The following SLC6A2 variants were observed in gnomAD, a reference collection of about 807,000 sequenced individuals.
The protein encoded by SLC6A2 is sodium-dependent noradrenaline transporter.
Under a neutral mutation model 71.7 loss-of-function variants are expected in SLC6A2, and 26 were observed. The ratio of observed to expected loss-of-function variants is 0.36; its 90% CI spans 0.27 to 0.50. The LOEUF (loss-of-function observed/expected upper bound fraction) is 0.50, where lower values mean the gene tolerates loss of function less well. Among genes scored for constraint, SLC6A2 ranks in the 20% least tolerant of loss-of-function variants. SLC6A2 has a pLI of 0.96. For synonymous variants in SLC6A2, 363 were observed against 337.9 expected, an observed-to-expected ratio of 1.07 and a Z score of -0.82; for missense variants, 581 against 803.9, an observed-to-expected ratio of 0.72 and a Z score of 3.35.
intron 4 of SLC6A2, among the ~76,000 whole-genome samples, chr16:55,683,674 C>A (rs1384416936): frequency 6.6e-6 from 1 of 152,018 alleles, no homozygotes; most frequent in Non-Finnish European, 1.5e-5. Flanking sequence ...AACCCAAACA[C>A]TTTATTGATA....
At chr16:55,702,289 C>A (rs748004628) in intron 14 of SLC6A2, 34 bp from the exon 15 acceptor site, 1 of 1,611,684 alleles carries the variant, frequency 6.2e-7, no homozygotes, top group East Asian at 2.2e-5. Context: ...CTGTCCCCAC[C>A]ATGTCATCAA....
intron 7 of SLC6A2, 56 bp downstream of exon 7, chr16:55,694,169 T>A (rs28613651): frequency 7.9e-7 from 1 of 1,259,664 alleles, no homozygotes. Flanking sequence ...TGACTCTTGT[T>A]GGGTGGCAGA....
In SLC6A2 at chr16:55,705,837, A is replaced by AT. The variant is rs1306822455; in HGVS notation, c.*3496dup. On this transcript the variant is annotated 3_prime_UTR_variant, in exon 15 of 15. Coordinates refer to ENST00000568943, the MANE Select transcript of SLC6A2 (RefSeq NM_001172501.3). ...ATTCAATAGTTCCTCTTTCTCAGAT[A>AT]TTTTTCAACTGATGCCAGAAACACT... is the stretch of plus-strand genomic sequence containing the variant. 1 of 152,156 alleles carries AT rather than the reference A, an allele frequency of 6.6e-6. No homozygotes were observed. The highest frequency in any genetic ancestry group is 1.5e-5 in the Non-Finnish European group (1 of 68,034). 9.4% of individuals were successfully genotyped at this position (152,156 alleles called of 1,614,324 possible). A position where few individuals can be genotyped will look rare whatever the true frequency, so the allele number is the denominator to read the frequency against.
intron 2 of SLC6A2, among the ~76,000 whole-genome samples, chr16:55,667,616 G>T (rs1427873928): frequency 1.3e-5 from 2 of 152,146 alleles, no homozygotes; most frequent in Non-Finnish European, 2.9e-5. Flanking sequence ...AGGGAGAAAG[G>T]AAGAGAATGA....
rs766590921 is a variant in SLC6A2, at chr16:55,669,603, G to A, written c.313G>A (p.Ala105Thr). Residue 105 changes from alanine (A) to threonine (T), a missense_variant, in exon 3 of 15, where the codon GCG (alanine) becomes ACG (threonine). By Grantham distance (58) the Ala-to-Thr change is moderately conservative (BLOSUM62 0). This residue lies in a region of SLC6A2 where 81 missense variants were observed against 152.4 expected (regional missense o/e 0.53). Coordinates refer to ENST00000568943, the MANE Select transcript of SLC6A2 (RefSeq NM_001172501.3). ...LIPYTLFLIIAGMPLFYMELA... is the reference protein window; with the variant it reads ...LIPYTLFLIITGMPLFYMELA... Reference sequence around the variant, plus strand: ...CCCGTACACACTGTTCCTTATCATCGCGGGGATGCCCCTGTTCTACATGGA... The same window carrying A: ...CCCGTACACACTGTTCCTTATCATCACGGGGATGCCCCTGTTCTACATGGA... 8.1e-6 allele frequency: 13 copies of A among 1,613,904 alleles called. No individual in the cohort carries two copies. Among genetic ancestry groups the A allele is most frequent in the Admixed American group, 6.7e-5 (4 of 59,992 alleles).
Position 55,693,942 on chromosome 16 carries a change from T to C in SLC6A2, c.919-68T>C. On this transcript the variant is annotated intron_variant, in intron 6 of 14. Transcript: ENST00000568943. ...AGCATCCCCAGGGTTTCTCAGCCCT[T>C]CCGGACCAGTGAGGTGTTCCAGTGT... The C allele has an allele frequency of 4.7e-6, 5 of 1,059,340 alleles. No individual in the cohort carries two copies. The South Asian group carries it at 6.2e-5, about 13-fold the overall frequency. 65.6% of individuals were successfully genotyped at this position (1,059,340 alleles called of 1,614,324 possible).
Position 55,700,180 on chromosome 16 carries a change from C to T in SLC6A2, c.1632C>T (p.Thr544=), listed in dbSNP as rs1478348375. 1 of 1,614,134 alleles carries T rather than the reference C, an allele frequency of 6.2e-7. No homozygotes were observed. Among genetic ancestry groups the T allele is most frequent in the Non-Finnish European group, 8.5e-7 (1 of 1,180,012 alleles). ...VVSIINFKPL[T]YDDYIFPPWA... is the part of the protein sequence containing the mutation. ...GCATCATCAACTTCAAGCCACTCAC[C>T]TACGACGACTACATCTTCCCGCCCT... The change falls in exon 13 of 15, where the codon ACC becomes ACT. Residue 544 remains threonine (T), a synonymous_variant. Transcript: ENST00000568943.
rs5564 is a variant in SLC6A2 at position 55,692,063 on chromosome 16, A to G, written c.918+11A>G. On this transcript the variant is annotated intron_variant, in intron 6 of 14. Transcript: ENST00000568943. ...TTGAAAGAGGCCACGGTCAGTGCTC[A>G]GTGACCACCAAGCCTTGGGCCAGGC... The G allele has an allele frequency of 0.073, 117,199 of 1,613,968 alleles. 4,737 individuals are homozygous for G. The highest frequency in any genetic ancestry group is 0.17 in the East Asian group (7,693 of 44,856).
At chr16:55,702,006 C>A in intron 14 of SLC6A2, 72 bp downstream of exon 14, 1 of 1,156,122 alleles carries the variant, frequency 8.6e-7, no homozygotes, top group Non-Finnish European at 1.3e-6. Flanking sequence ...TGTGCACTGC[C>A]CAAGGCTAGA....
At chr16:55,699,990 T>C (rs995838928) in intron 12 of SLC6A2, 149 bp from the exon 13 acceptor site, 20 of 736,218 alleles carry the variant, frequency 2.7e-5, no homozygotes, top group South Asian at 9.0e-5. Flanking sequence ...TCTCTTTCTC[T>C]TTTCCACTCC....
Position 55,699,562 on chromosome 16 carries a change from A to T in SLC6A2, c.1498A>T (p.Arg500Trp). 6.2e-7 allele frequency: 1 copy of T among 1,613,890 alleles called. No homozygotes were observed. The highest frequency in any genetic ancestry group is 1.1e-5 in the South Asian group (1 of 91,076). The stretch of plus-strand genomic sequence containing the variant: ...GCCCTGTGTGTGCACAGGAGTGGAC[A>T]GGTTCAGCAACGACATCCAGCAGAT... ...IGVSWFYGVD[R>W]FSNDIQQMMG... is the part of the protein sequence containing the mutation. Residue 500 changes from arginine (R) to tryptophan (W), a missense_variant, in exon 12 of 15, where the codon AGG (arginine) becomes TGG (tryptophan). Arg to Trp is a moderately radical substitution (Grantham distance 101). Coordinates refer to ENST00000568943, the MANE Select transcript of SLC6A2 (RefSeq NM_001172501.3).
chr16:55,698,461 T>C lies in SLC6A2; in HGVS notation c.1390-8T>C. On this transcript the variant is annotated splice_region_variant and splice_polypyrimidine_tract_variant and intron_variant, in intron 10 of 14. Transcript: ENST00000568943. The stretch of plus-strand genomic sequence containing the variant: ...AGGGCCTCTTGGCTTCTTCTCTCCC[T>C]GTGCCAGGGTGGAATTTACGTCTTG... 1 of 1,608,000 alleles carries C rather than the reference T, an allele frequency of 6.2e-7. No homozygotes were observed. Among genetic ancestry groups the C allele is most frequent in the Non-Finnish European group, 8.5e-7 (1 of 1,174,424 alleles).
At chr16:55,676,177 C>T (rs1965080241) in intron 4 of SLC6A2, among the ~76,000 whole-genome samples, 1 of 152,188 alleles carries the variant, frequency 6.6e-6, no homozygotes, top group African/African-American at 2.4e-5. Flanking sequence ...CAGTTGTCGT[C>T]AAATTCTCAA....
At chr16:55,678,495 G>T (rs191322290) in intron 4 of SLC6A2, among the ~76,000 whole-genome samples, 117 of 152,282 alleles carry the variant, frequency 7.7e-4, no homozygotes, top group African/African-American at 2.7e-3. Flanking sequence ...CATTTAGGCT[G>T]ATGGACTGAG....
rs1964469427 is a variant in SLC6A2, at chr16:55,656,886, C to T, written c.192C>T (p.Asp64=). 6.2e-7 allele frequency: 1 copy of T among 1,613,938 alleles called. No individual in the cohort carries two copies. Among genetic ancestry groups the T allele is most frequent in the Non-Finnish European group, 8.5e-7 (1 of 1,179,964 alleles). Residue 64 remains aspartate, a synonymous_variant, in exon 2 of 15, where the codon GAC becomes GAT. Transcript: ENST00000568943. This position sits in a 1 kb window ranked among gnomAD's most constrained non-coding sequence, Gnocchi z 4.5. ...QPRETWGKKI[D]FLLSVVGFAV... is the part of the protein sequence containing the mutation. ...GGGAGACCTGGGGCAAGAAGATCGA[C>T]TTCCTGCTGTCCGTAGTCGGCTTCG...
intron 2 of SLC6A2, among the ~76,000 whole-genome samples, chr16:55,668,599 G>T (rs963076040): frequency 6.6e-6 from 1 of 152,108 alleles, no homozygotes; most frequent in East Asian, 1.9e-4. Flanking sequence ...TGCAAGCTGG[G>T]GCTCATATGA....
intron 2 of SLC6A2, among the ~76,000 whole-genome samples, chr16:55,661,383 C>T (rs1596946265): frequency 2.0e-5 from 3 of 152,326 alleles, no homozygotes; most frequent in African/African-American, 7.2e-5. Flanking sequence ...ATCTGAGCTT[C>T]AGTTTCCTTA....
At chr16:55,670,275 C>T (rs556403940) in intron 3 of SLC6A2, among the ~76,000 whole-genome samples, 1 of 152,274 alleles carries the variant, frequency 6.6e-6, no homozygotes, top group South Asian at 2.1e-4. Context: ...GAGAACTGGG[C>T]ACAGATGGCA....
Position 55,697,924 on chromosome 16 carries a change from G to C in SLC6A2, c.1288G>C (p.Gly430Arg). The change falls in exon 10 of 15, where the codon GGC becomes CGC. Residue 430 changes from glycine to arginine, a missense_variant. Physicochemically the swap from Gly to Arg is moderately radical, Grantham distance 125. This residue lies in a region of SLC6A2 where 334 missense variants were observed against 449.0 expected (regional missense o/e 0.74). Transcript: ENST00000568943. ...GGGAGGCATGGAGGCTGTCATCACG[G>C]GCCTGGCAGATGACTTCCAGGTCCT... is the stretch of plus-strand genomic sequence containing the variant. ...SMGGMEAVIT[G>R]LADDFQVLKR... is the part of the protein sequence containing the mutation. 6.2e-7 allele frequency: 1 copy of C among 1,614,038 alleles called. No individual in the cohort carries two copies. The highest frequency in any genetic ancestry group is 8.5e-7 in the Non-Finnish European group (1 of 1,179,976).
Sources: gnomAD v4.1 joint callset for allele counts (sites outside exome capture counted in the v4.1 genomes callset) on GRCh38, gnomAD v4.1.1 for gene constraint, gnomAD v4.1.1 regional missense constraint, Gnocchi (gnomAD v3.1) non-coding constraint, MANE v1.5 for transcripts, NCBI Gene and HGNC (gene_info 2026-07-23, HGNC 2026-07-21) for gene names.